ITPR2: variants seen among roughly 807,000 people sequenced by gnomAD.
ITPR2 encodes the protein inositol 1,4,5-trisphosphate receptor type 2, also known as inositol 1,4,5-trisphosphate-gated calcium channel ITPR2.
ITPR2 carries 207 observed loss-of-function variants against 317.1 expected under a neutral mutation model. That is an observed-to-expected ratio of 0.65 (90% confidence interval 0.58 to 0.73). The LOEUF (loss-of-function observed/expected upper bound fraction) is 0.73, where lower values mean the gene tolerates loss of function less well. ITPR2 is among the 30% of genes least tolerant of loss of function. ITPR2 has a pLI of 0.00. For synonymous variants in ITPR2, 1,156 were observed against 1,149.1 expected (o/e 1.01, Z -0.12); for missense variants, 2,613 against 3,284.0 (o/e 0.80, Z 4.99).
At chr12:26,782,007 T>C (rs1565759536) in intron 2 of ITPR2, among the ~76,000 whole-genome samples, 2 of 25,382 alleles carry the variant, frequency 7.9e-5, no homozygotes, top group Non-Finnish European at 1.6e-4. Flanking sequence ...TATATATATA[T>C]ATATATATAT....
intron 45 of ITPR2, among the ~76,000 whole-genome samples, chr12:26,460,984 T>C (rs1051748541): frequency 6.6e-6 from 1 of 152,214 alleles, no homozygotes; most frequent in African/African-American, 2.4e-5. Context: ...GATTCATTCC[T>C]ATCCTGAATC....
At chr12:26,539,595 C>T (rs1944201253) in intron 37 of ITPR2, among the ~76,000 whole-genome samples, 1 of 152,212 alleles carries the variant, frequency 6.6e-6, no homozygotes, top group South Asian at 2.1e-4. Flanking sequence ...ATTTGGTCAT[C>T]ATCTGCTCCA....
intron 32 of ITPR2, among the ~76,000 whole-genome samples, chr12:26,591,373 A>G (rs1945699213): frequency 6.6e-6 from 1 of 152,220 alleles, no homozygotes; most frequent in Non-Finnish European, 1.5e-5. Context: ...GCAAATCGAA[A>G]CTACAATGAG....
At chr12:26,538,174 T>C (rs1944152657) in intron 37 of ITPR2, among the ~76,000 whole-genome samples, 1 of 152,246 alleles carries the variant, frequency 6.6e-6, no homozygotes, top group South Asian at 2.1e-4. Flanking sequence ...TCATCTTTTG[T>C]TGTGTGATCT....
intron 37 of ITPR2, among the ~76,000 whole-genome samples, chr12:26,507,853 C>CTGTGTGTGTGTGTGTGTGTGTGTGTG (rs541133629): frequency 9.3e-6 from 1 of 107,436 alleles, no homozygotes; most frequent in Non-Finnish European, 2.2e-5. Context: ...CTACTCTTCT[C>CTGTGTGTGTGTGTGTGTGTGTGTGTG]TCTCTGTCTC....
chr12:26,614,487 T>A lies in ITPR2; in HGVS notation c.3462+6636A>T, dbSNP rs150209559. ...CCCTATGTCAACCCCAGAACTAAGG[T>A]CAAAAGATACGAGCTCAAAACCTGC... On this transcript the variant is annotated intron_variant, in intron 26 of 56. Coordinates refer to ENST00000381340, the MANE Select transcript of ITPR2 (RefSeq NM_002223.4). Among the ~76,000 whole-genome samples, 36 of 152,228 alleles carry A rather than the reference T, an allele frequency of 2.4e-4. No individual in the cohort carries two copies. The East Asian group carries it at 6.0e-3, about 25-fold the overall frequency.
rs79732568 is a variant in ITPR2 at position 26,582,709 on chromosome 12, C to G, written c.4381-2554G>C. Among the ~76,000 whole-genome samples, 4 of 152,192 alleles carry G rather than the reference C, an allele frequency of 2.6e-5. No individual in the cohort carries two copies. The East Asian group carries it at 5.8e-4, about 22-fold the overall frequency. On this transcript the variant is annotated intron_variant, in intron 32 of 56. Transcript: ENST00000381340. ...GCATATTTCACCAAAAGAGGAATCA[C>G]CAGATGAGGGTATGTAGACAGTTTT... is the stretch of plus-strand genomic sequence containing the variant.
At chr12:26,521,506 G>T (rs555683498) in intron 37 of ITPR2, among the ~76,000 whole-genome samples, 1 of 152,200 alleles carries the variant, frequency 6.6e-6, no homozygotes, top group East Asian at 1.9e-4. Flanking sequence ...GCAGTCAGGG[G>T]CCCCTCGAGT....
At position 26,682,578 on chromosome 12, in the gene ITPR2, A is replaced by C. The variant is rs1392769887; in HGVS notation, c.1244T>G (p.Leu415Ter). 1 of 1,597,216 alleles carries C rather than the reference A, an allele frequency of 6.3e-7. No individual in the cohort carries two copies. The highest frequency in any genetic ancestry group is 8.6e-7 in the Non-Finnish European group (1 of 1,167,438). ...IDTDEERPVM[L>*]KIGTCQTKED... is the part of the protein sequence containing the mutation. Reference sequence around the variant, plus strand: ...ACCATCTTCAGTGACATTTACCTTTAACATAACAGGCCTCTCTTCATCTGT... The same window carrying C: ...ACCATCTTCAGTGACATTTACCTTTCACATAACAGGCCTCTCTTCATCTGT... The change falls in exon 12 of 57, where the codon TTA becomes TGA. Residue 415 changes from leucine to a stop codon, truncating the protein, a stop_gained. Transcript: ENST00000381340. LOFTEE classifies it high-confidence loss of function.
intron 30 of ITPR2, among the ~76,000 whole-genome samples, chr12:26,597,995 A>G (rs746323633): frequency 2.0e-5 from 3 of 152,244 alleles, no homozygotes; most frequent in Non-Finnish European, 2.9e-5. Flanking sequence ...TATCAAAAAT[A>G]TGTATTATAT....
intron 39 of ITPR2, among the ~76,000 whole-genome samples, chr12:26,493,308 A>G (rs928463689): frequency 2.0e-5 from 3 of 152,208 alleles, no homozygotes; most frequent in Non-Finnish European, 4.4e-5. Context: ...ATGAAGCACA[A>G]TATCCCAGTT....
chr12:26,461,487 T>C (rs753425817), intron 45 of ITPR2, among the ~76,000 whole-genome samples: 8 of 151,954 alleles, frequency 5.3e-5, no homozygotes, highest in South Asian at 2.1e-4. Flanking sequence ...GAGTTGAGTA[T>C]CTGCAACAGA....
At chr12:26,511,981 C>T (rs1943361125) in intron 37 of ITPR2, among the ~76,000 whole-genome samples, 1 of 152,140 alleles carries the variant, frequency 6.6e-6, no homozygotes, top group Non-Finnish European at 1.5e-5. Flanking sequence ...TCCTAAACAA[C>T]CTCCCAGTAC....
chr12:26,532,141 C>A (rs1026585438), intron 37 of ITPR2, among the ~76,000 whole-genome samples: 1 of 152,178 alleles, frequency 6.6e-6, no homozygotes, highest in Non-Finnish European at 1.5e-5. Flanking sequence ...TTATCTCCCA[C>A]ATACAGGTGC....
At chr12:26,458,427 A>G (rs1002181290) in intron 45 of ITPR2, among the ~76,000 whole-genome samples, 4 of 152,184 alleles carry the variant, frequency 2.6e-5, no homozygotes, top group Non-Finnish European at 4.4e-5. Context: ...GGAACAATCA[A>G]GAAAGGAAAA....
chr12:26,361,358 T>A (rs1938825106), intron 55 of ITPR2, among the ~76,000 whole-genome samples: 1 of 152,230 alleles, frequency 6.6e-6, no homozygotes. Flanking sequence ...TCATGGTTTA[T>A]ATATCATATA....
At chr12:26,603,878 G>A (rs1946060189) in intron 26 of ITPR2, among the ~76,000 whole-genome samples, 1 of 152,200 alleles carries the variant, frequency 6.6e-6, no homozygotes, top group South Asian at 2.1e-4. Context: ...GGCAATCAGA[G>A]TGGGGTCTGA....
intron 34 of ITPR2, among the ~76,000 whole-genome samples, chr12:26,569,140 A>G (rs1292413862): frequency 1.3e-5 from 2 of 152,194 alleles, no homozygotes; most frequent in Non-Finnish European, 2.9e-5. Context: ...TGAGAATTCA[A>G]AAAACATCTT....
intron 45 of ITPR2, among the ~76,000 whole-genome samples, chr12:26,461,631 T>TAA (rs1361704274): frequency 1.7e-4 from 1 of 5,972 alleles, no homozygotes. Context: ...CATATAAATA[T>TAA]ATATATATAT....
Sources: allele counts gnomAD v4.1 joint callset (sites outside exome capture counted in the v4.1 genomes callset), GRCh38; gene constraint gnomAD v4.1.1; transcripts MANE v1.5; gene names NCBI Gene and HGNC (gene_info 2026-07-23, HGNC 2026-07-21).